The following SUSD4 variants were observed in gnomAD, a reference collection of about 807,000 sequenced individuals.
The protein encoded by SUSD4 is sushi domain containing 4.
Under a neutral mutation model 50.5 loss-of-function variants are expected in SUSD4, and 41 were observed. The observed-to-expected ratio is 0.81, with a 90% CI of 0.63 to 1.05. The LOEUF (loss-of-function observed/expected upper bound fraction) is 1.05, where lower values mean the gene tolerates loss of function less well. SUSD4 is among the 50% of genes least tolerant of loss of function. SUSD4 has a pLI of 0.00. For synonymous variants in SUSD4, 257 were observed against 257.3 expected (o/e 1.00, Z 0.01); for missense variants, 580 against 634.7 (o/e 0.91, Z 0.93).
chr1:223,261,352 C>T (rs534967024), intron 5 of SUSD4, among the ~76,000 whole-genome samples: 1 of 152,308 alleles, frequency 6.6e-6, no homozygotes, highest in South Asian at 2.1e-4. Context: ...AGACAATGTA[C>T]CTTGGTGATC....
intron 2 of SUSD4, among the ~76,000 whole-genome samples, chr1:223,336,009 TAAA>T (rs796289719): frequency 6.9e-6 from 1 of 144,984 alleles, no homozygotes; most frequent in East Asian, 2.0e-4. Context: ...AAAAGTTGTT[TAAA>T]AAAAAAAAAG....
intron 7 of SUSD4, among the ~76,000 whole-genome samples, chr1:223,226,256 CAG>C (rs1447781331): frequency 2.0e-5 from 3 of 152,152 alleles, no homozygotes; most frequent in Non-Finnish European, 2.9e-5. Flanking sequence ...ATGTGGAAGA[CAG>C]AGAGTGGATG....
At chr1:223,289,478 C>T (rs750443962) in intron 3 of SUSD4, among the ~76,000 whole-genome samples, 7 of 152,112 alleles carry the variant, frequency 4.6e-5, no homozygotes, top group Non-Finnish European at 7.4e-5. Flanking sequence ...GGGATCTGTG[C>T]GCACCCAAGA....
intron 2 of SUSD4, among the ~76,000 whole-genome samples, chr1:223,296,515 G>A (rs978681915): frequency 1.3e-5 from 2 of 152,298 alleles, no homozygotes; most frequent in African/African-American, 4.8e-5. Flanking sequence ...CCATGTATAG[G>A]CAGCAGTCCA....
At chr1:223,291,761 A>G (rs1664506010) in intron 3 of SUSD4, among the ~76,000 whole-genome samples, 1 of 152,196 alleles carries the variant, frequency 6.6e-6, no homozygotes. Flanking sequence ...TATATCATCA[A>G]CAATTTGACA....
Position 223,281,547 on chromosome 1 carries a change from T to G in SUSD4, c.361+10892A>C, listed in dbSNP as rs570079150. ...CCCAAGACTAAACCAGGAAGAAGTT[T>G]AATCCCTGAATAGACCAATAACAGG... is the stretch of plus-strand genomic sequence containing the variant. On this transcript the variant is annotated intron_variant, in intron 3 of 8. Transcript: ENST00000366878. 2.9e-4 allele frequency among the ~76,000 whole-genome samples: 44 copies of G among 152,208 alleles called. No homozygotes were observed. The South Asian group carries it at 6.2e-3, about 22-fold the overall frequency.
intron 7 of SUSD4, among the ~76,000 whole-genome samples, chr1:223,226,205 T>C (rs1659505336): frequency 1.3e-5 from 2 of 152,198 alleles, no homozygotes; most frequent in African/African-American, 4.8e-5. Flanking sequence ...ATACTGTAAT[T>C]GCTCAATGAT....
At position 223,229,589 on chromosome 1, in the gene SUSD4, G is replaced by T; in HGVS notation, c.725-201C>A. ...ATGGAAGCCTGCTGTAATATTCTGA[G>T]CACGTGCCGTTGTGACATGGCATTG... On this transcript the variant is annotated intron_variant, in intron 5 of 8. Coordinates refer to ENST00000366878, the MANE Select transcript of SUSD4 (RefSeq NM_017982.4). This position sits in a 1 kb window ranked among gnomAD's most constrained non-coding sequence, Gnocchi z 4.7. 1.9e-6 allele frequency: 1 copy of T among 526,888 alleles called. No individual in the cohort carries two copies. Among genetic ancestry groups the T allele is most frequent in the African/African-American group, 1.9e-5 (1 of 53,478 alleles). 32.6% of individuals were successfully genotyped at this position (526,888 alleles called of 1,614,324 possible). A position where few individuals can be genotyped will look rare whatever the true frequency, so the allele number is the denominator to read the frequency against.
chr1:223,352,888 G>C (rs2102580462), intron 2 of SUSD4, among the ~76,000 whole-genome samples: 1 of 152,198 alleles, frequency 6.6e-6, no homozygotes, highest in South Asian at 2.1e-4. Flanking sequence ...AACAGAAATA[G>C]CATGCTAGAT....
chr1:223,299,076 C>A (rs1665020550), intron 2 of SUSD4, among the ~76,000 whole-genome samples: 1 of 152,198 alleles, frequency 6.6e-6, no homozygotes, highest in Non-Finnish European at 1.5e-5. Flanking sequence ...CAGTAATTTT[C>A]TAGGGCCTGC....
intron 2 of SUSD4, among the ~76,000 whole-genome samples, chr1:223,333,314 C>T (rs759921153): frequency 1.9e-4 from 29 of 152,074 alleles, no homozygotes; most frequent in Non-Finnish European, 3.8e-4. Context: ...GTTTCCACAC[C>T]TGTAAACTGG....
chr1:223,268,013 TTATATATATATATA>T lies in SUSD4; in HGVS notation c.535+475_535+488del, dbSNP rs59885860. 3.6e-3 allele frequency among the ~76,000 whole-genome samples: 191 copies of T among 53,370 alleles called. 6 individuals carry two copies. Among genetic ancestry groups the T allele is most frequent in the South Asian group, 6.9e-3 (9 of 1,310 alleles). The allele number at this position is 53,370 out of a possible 152,430, so 35.0% of individuals were successfully genotyped here. A position where few individuals can be genotyped will look rare whatever the true frequency, so the allele number is the denominator to read the frequency against. On this transcript the variant is annotated intron_variant, in intron 4 of 8. Coordinates refer to ENST00000366878, the MANE Select transcript of SUSD4 (RefSeq NM_017982.4). ...AATTTTTCTGCTCTTCATGCATTTTTTATATATATATATATATATATATATATATACACACACAC... is the reference window on the plus strand; with the variant it reads ...AATTTTTCTGCTCTTCATGCATTTTTTATATATATATATATACACACACAC...
At chr1:223,349,373 C>T (rs1371583826) in intron 2 of SUSD4, among the ~76,000 whole-genome samples, 2 of 152,152 alleles carry the variant, frequency 1.3e-5, no homozygotes, top group African/African-American at 2.4e-5. Flanking sequence ...GTGGGCTCAG[C>T]GGATGGCCTG....
At chr1:223,247,666 C>T (rs930155222) in intron 5 of SUSD4, among the ~76,000 whole-genome samples, 4 of 152,162 alleles carry the variant, frequency 2.6e-5, no homozygotes, top group Admixed American at 6.5e-5. Flanking sequence ...GTTAGTGCTG[C>T]ATTTGAAGAG....
chr1:223,278,919 C>T (rs934215990), intron 3 of SUSD4, among the ~76,000 whole-genome samples: 6 of 152,146 alleles, frequency 3.9e-5, no homozygotes, highest in African/African-American at 1.2e-4. Flanking sequence ...CAATATTTGC[C>T]GTTCTGCAGC....
intron 5 of SUSD4, among the ~76,000 whole-genome samples, chr1:223,253,782 A>T (rs1661499720): frequency 6.6e-6 from 1 of 152,204 alleles, no homozygotes; most frequent in African/African-American, 2.4e-5. Flanking sequence ...AAGATACTCT[A>T]GAGTTTAAGG....
At chr1:223,304,585 G>GGTCACA (rs1376154155) in intron 2 of SUSD4, among the ~76,000 whole-genome samples, 8 of 151,164 alleles carry the variant, frequency 5.3e-5, no homozygotes, top group Non-Finnish European at 1.5e-5. Flanking sequence ...TATTCCAGTG[G>GGTCACA]GTCACAGTCA....
In SUSD4 at chr1:223,264,676, T is replaced by G. The variant is rs201394768; in HGVS notation, c.678A>C (p.Gln226His). 2.7e-4 allele frequency: 435 copies of G among 1,614,204 alleles called. 1 individual carries two copies. In the East Asian group the frequency reaches 8.0e-3, roughly 30 times the overall value. Residue 226 changes from glutamine (Q) to histidine (H), a missense_variant, in exon 5 of 9, where the codon CAA (glutamine) becomes CAC (histidine). By Grantham distance (24) the Gln-to-His change is conservative. Coordinates refer to ENST00000366878, the MANE Select transcript of SUSD4 (RefSeq NM_017982.4). ...GTGGGCTGGACGACCAGATAAGGTTTTGTAAGCACTCAAGATACGCAGACC... is the reference window on the plus strand; with the variant it reads ...GTGGGCTGGACGACCAGATAAGGTTGTGTAAGCACTCAAGATACGCAGACC... ...LDGSAYLECLQNLIWSSSPPR... is the reference protein window; with the variant it reads ...LDGSAYLECLHNLIWSSSPPR...
chr1:223,317,961 C>T (rs1189257656), intron 2 of SUSD4, among the ~76,000 whole-genome samples: 24 of 106,416 alleles, frequency 2.3e-4, no homozygotes, highest in Admixed American at 9.4e-4. Context: ...CACCCACCAA[C>T]GTGTCATCTA....
Sources: allele counts gnomAD v4.1 joint callset (sites outside exome capture counted in the v4.1 genomes callset), GRCh38; gene constraint gnomAD v4.1.1; non-coding constraint Gnocchi (gnomAD v3.1); transcripts MANE v1.5; gene names NCBI Gene and HGNC (gene_info 2026-07-23, HGNC 2026-07-21).